The following PCBP2 variants were observed in gnomAD, a reference collection of about 807,000 sequenced individuals.
PCBP2 encodes the protein poly(rC)-binding protein 2.
A neutral mutation model predicts 50.1 loss-of-function variants in PCBP2; 4 were observed. That is an observed-to-expected ratio of 0.08 (90% CI 0.04 to 0.18). The LOEUF (loss-of-function observed/expected upper bound fraction) is 0.18. Ranked by LOEUF, PCBP2 falls within the 10% of genes least tolerant of loss-of-function variation. The probability of loss-of-function intolerance (pLI) is 1.00; values close to 1 mark genes in which losing one functional copy is unlikely to be tolerated. For missense variants in PCBP2, 161 were observed against 474.3 expected, an observed-to-expected ratio of 0.34 and a Z score of 6.14; for synonymous variants, 179 against 168.0, an observed-to-expected ratio of 1.07 and a Z score of -0.51.
rs1344464209 is a variant in PCBP2 at position 53,476,453 on chromosome 12, A to G, written c.1053-2953A>G. Among the ~76,000 whole-genome samples, 5 of 152,294 alleles carry G rather than the reference A, an allele frequency of 3.3e-5. No homozygotes were observed. In the Middle Eastern group the frequency reaches 0.014, roughly 414 times the overall value. ...CCTGAAATCTTGTTCATTTTCTTAT[A>G]CTAAGATGGGCACAGGCCTCTCATA... On this transcript the variant is annotated intron_variant, in intron 14 of 14. Transcript: ENST00000546463.
intron 13 of PCBP2, among the ~76,000 whole-genome samples, chr12:53,470,790 C>T (rs1942175751): frequency 6.8e-6 from 1 of 146,018 alleles, no homozygotes; most frequent in Non-Finnish European, 1.5e-5. Context: ...TTTCCCAAGG[C>T]AAAAACACCT....
chr12:53,461,824 C>T (rs1015663102), intron 7 of PCBP2, among the ~76,000 whole-genome samples: 7 of 152,132 alleles, frequency 4.6e-5, no homozygotes, highest in Admixed American at 4.6e-4. Context: ...ATCCTCTCAC[C>T]TGTCTCCCCA....
intron 2 of PCBP2, 50 bp downstream of exon 2, chr12:53,454,919 C>T: frequency 1.4e-6 from 2 of 1,454,900 alleles, no homozygotes; most frequent in Non-Finnish European, 1.9e-6. Flanking sequence ...AGGGGAGGGG[C>T]CAGGAAGAGC....
Position 53,454,797 on chromosome 12 carries a change from C to T in PCBP2, c.-4C>T, listed in dbSNP as rs769275297. 8.1e-6 allele frequency: 13 copies of T among 1,613,802 alleles called. No individual in the cohort carries two copies. Among genetic ancestry groups the T allele is most frequent in the Admixed American group, 3.3e-5 (2 of 60,014 alleles). On this transcript the variant is annotated 5_prime_UTR_variant, in exon 2 of 15. Transcript: ENST00000546463. Reference sequence around the variant, plus strand: ...AAGTCCAGCTCCCCAGAACACTGCTCGACATGGACACCGGTGTGATTGAAG... The same window carrying T: ...AAGTCCAGCTCCCCAGAACACTGCTTGACATGGACACCGGTGTGATTGAAG...
chr12:53,462,430 A>G (rs987965809), intron 7 of PCBP2, 63 bp from the exon 8 acceptor site: 5 of 1,391,824 alleles, frequency 3.6e-6, no homozygotes, highest in African/African-American at 2.9e-5. Context: ...CTAAAGCCAC[A>G]CAGCTGAAGC....
intron 10 of PCBP2, 33 bp downstream of exon 10, chr12:53,466,006 G>C: frequency 1.2e-6 from 2 of 1,603,816 alleles, no homozygotes; most frequent in Non-Finnish European, 1.7e-6. Flanking sequence ...GTTTTGAAAA[G>C]CTCCCTCTCC....
At chr12:53,462,470 T>C (rs967815869) in intron 7 of PCBP2, 23 bp from the exon 8 acceptor site, 8 of 1,597,114 alleles carry the variant, frequency 5.0e-6, no homozygotes, top group Non-Finnish European at 6.0e-6. Context: ...TTTTTGTTTT[T>C]TTCCCCTCTG....
At chr12:53,468,952 T>TTTAA in intron 13 of PCBP2, 120 bp downstream of exon 13, 1 of 730,116 alleles carries the variant, frequency 1.4e-6, no homozygotes, top group Non-Finnish European at 2.3e-6. Flanking sequence ...GCCCAGGCTG[T>TTTAA]AGTGCAGTGG....
At chr12:53,460,583 C>G (rs564747134) in intron 6 of PCBP2, 70 of 211,192 alleles carry the variant, frequency 3.3e-4, no homozygotes, top group Non-Finnish European at 6.0e-4. Flanking sequence ...CATGGCACGA[C>G]AGAGATCTTA....
intron 5 of PCBP2, among the ~76,000 whole-genome samples, chr12:53,457,178 C>T (rs780323758): frequency 6.6e-6 from 1 of 152,010 alleles, no homozygotes; most frequent in Non-Finnish European, 1.5e-5. Context: ...TCCTGAGTAG[C>T]TGGGGCTACA....
chr12:53,454,699 C>T, intron 1 of PCBP2, 27 bp from the exon 2 acceptor site: 1 of 786,884 alleles, frequency 1.3e-6, no homozygotes, highest in South Asian at 1.4e-5. Flanking sequence ...TTTTCCTCCT[C>T]TGATTTTGGT....
chr12:53,463,329 C>CT (rs1941583995), intron 8 of PCBP2, among the ~76,000 whole-genome samples: 1 of 152,144 alleles, frequency 6.6e-6, no homozygotes. Flanking sequence ...GTCCTATGCT[C>CT]TGATTGTATT....
intron 8 of PCBP2, among the ~76,000 whole-genome samples, chr12:53,463,504 T>C (rs1444869737): frequency 6.6e-6 from 1 of 152,192 alleles, no homozygotes; most frequent in Non-Finnish European, 1.5e-5. Context: ...ATAACAAGTA[T>C]TTACATAGTA....
chr12:53,459,873 ATC>A (rs770542037), intron 6 of PCBP2: 1 of 454,150 alleles, frequency 2.2e-6, no homozygotes, highest in East Asian at 7.0e-5. Flanking sequence ...CGATCCTCTC[ATC>A]TCAGCCTCCC....
chr12:53,476,025 G>A (rs908408785), intron 14 of PCBP2: 1 of 152,166 alleles, frequency 6.6e-6, no homozygotes, highest in Admixed American at 6.5e-5. Flanking sequence ...GGCAAAGTGG[G>A]ATAAGTCTAA....
At chr12:53,468,931 T>TC (rs1942003578) in intron 13 of PCBP2, 99 bp downstream of exon 13, 1 of 970,044 alleles carries the variant, frequency 1.0e-6, no homozygotes, top group Non-Finnish European at 1.6e-6. Context: ...TTTTTTTTTT[T>TC]TTTTTAAACA....
In PCBP2 at chr12:53,468,917, C is replaced by CTTTTTTTTTTTTTTTTTT. The variant is rs5798266; in HGVS notation, c.882+87_882+104dup. The CTTTTTTTTTTTTTTTTTT allele has an allele frequency of 1.2e-4, 71 of 574,526 alleles. No individual in the cohort carries two copies. The African/African-American group carries it at 1.5e-3, about 12-fold the overall frequency. The allele number at this position is 574,526 out of a possible 1,614,324, so 35.6% of individuals were successfully genotyped here. ...GTCGTTTCAGCAGTGTCCTGCTACC[C>CTTTTTTTTTTTTTTTTTT]TTTTTTTTTTTTTTTTTTTAAACAG... On this transcript the variant is annotated intron_variant, in intron 13 of 14. Coordinates refer to ENST00000546463, the MANE Select transcript of PCBP2 (RefSeq NM_031989.5).
rs540446615 is a variant in PCBP2 at position 53,461,161 on chromosome 12, T to C, written c.504+18T>C. ...TGTTGGAGGTAAGCCCTCAGGCTCA[T>C]GCTGAAAATGGGGGGAGGGCCATTC... On this transcript the variant is annotated intron_variant, in intron 7 of 14. Transcript: ENST00000546463. 17 of 1,612,896 alleles carry C rather than the reference T, an allele frequency of 1.1e-5. No individual in the cohort carries two copies. The African/African-American group carries it at 2.1e-4, about 20-fold the overall frequency.
chr12:53,455,739 G>A (rs1249260245), intron 4 of PCBP2, 146 bp from the exon 5 acceptor site: 2 of 702,442 alleles, frequency 2.8e-6, no homozygotes, highest in African/African-American at 3.6e-5. Flanking sequence ...TTTGAGGATA[G>A]TCATGGAGCA....
Sources: allele counts gnomAD v4.1 joint callset (sites outside exome capture counted in the v4.1 genomes callset), GRCh38; gene constraint gnomAD v4.1.1; transcripts MANE v1.5; gene names NCBI Gene and HGNC (gene_info 2026-07-23, HGNC 2026-07-21).